ZRANB3: variants seen among roughly 807,000 people sequenced by gnomAD.
The protein encoded by ZRANB3 is zinc finger RANBP2-type containing 3, also known as DNA annealing helicase and endonuclease ZRANB3.
ZRANB3 carries 125 observed loss-of-function variants against 133.8 expected under a neutral mutation model. That is an observed-to-expected ratio of 0.93 (90% CI 0.81 to 1.08). The LOEUF is 1.08. Among genes scored for constraint, ZRANB3 ranks in the 50% least tolerant of loss-of-function variants. ZRANB3 has a pLI of 0.00. For synonymous variants in ZRANB3, 387 were observed against 432.7 expected (o/e 0.89, Z 1.31); for missense variants, 1,229 against 1,275.5 (o/e 0.96, Z 0.56).
At chr2:135,441,348 T>C (rs918207964) in intron 2 of ZRANB3, among the ~76,000 whole-genome samples, 4 of 151,920 alleles carry the variant, frequency 2.6e-5, no homozygotes, top group Admixed American at 2.0e-4. Flanking sequence ...AAAGAAAAAA[T>C]ACTGCCAACC....
At chr2:135,427,151 G>A (rs889136481) in intron 2 of ZRANB3, among the ~76,000 whole-genome samples, 1 of 151,476 alleles carries the variant, frequency 6.6e-6, no homozygotes, top group Non-Finnish European at 1.5e-5. Context: ...TTTAGAACCA[G>A]AGCAAGACAA....
chr2:135,210,573 C>A (rs1396061568), intron 17 of ZRANB3, among the ~76,000 whole-genome samples: 1 of 152,092 alleles, frequency 6.6e-6, no homozygotes, highest in Non-Finnish European at 1.5e-5. Flanking sequence ...AATTGATCCG[C>A]CTGTCTCAGC....
chr2:135,290,392 T>C (rs1022308696), intron 8 of ZRANB3, among the ~76,000 whole-genome samples: 2 of 152,226 alleles, frequency 1.3e-5, no homozygotes, highest in Middle Eastern at 3.2e-3. Context: ...AAGTCTGTTT[T>C]TTTCTGATAC....
chr2:135,411,733 T>C (rs1574062635), intron 2 of ZRANB3, among the ~76,000 whole-genome samples: 1 of 152,026 alleles, frequency 6.6e-6, no homozygotes, highest in South Asian at 2.1e-4. Context: ...TGGGTACACA[T>C]AAAAATGAAC....
intron 3 of ZRANB3, among the ~76,000 whole-genome samples, chr2:135,382,940 C>A (rs1686788183): frequency 6.6e-6 from 1 of 152,252 alleles, no homozygotes; most frequent in African/African-American, 2.4e-5. Context: ...AACTAACGAG[C>A]AAAATAATCA....
intron 12 of ZRANB3, among the ~76,000 whole-genome samples, chr2:135,249,317 T>C (rs943686742): frequency 6.6e-6 from 1 of 152,232 alleles, no homozygotes; most frequent in Non-Finnish European, 1.5e-5. Flanking sequence ...GTAGCACTAT[T>C]TGCAATAGCA....
intron 2 of ZRANB3, among the ~76,000 whole-genome samples, chr2:135,407,514 A>G (rs59330959): frequency 0.022 from 3,178 of 143,500 alleles, 132 homozygotes; most frequent in African/African-American, 0.09. Context: ...CGCATCGCCA[A>G]GTCAATCCTA....
At chr2:135,361,281 A>C (rs1419599950) in intron 3 of ZRANB3, among the ~76,000 whole-genome samples, 2 of 152,230 alleles carry the variant, frequency 1.3e-5, no homozygotes, top group East Asian at 3.8e-4. Flanking sequence ...ATGATTAAGA[A>C]TCAAAGTCTT....
intron 3 of ZRANB3, 25 bp downstream of exon 3, chr2:135,390,777 A>T (rs1259835302): frequency 6.4e-7 from 1 of 1,556,902 alleles, no homozygotes; most frequent in Admixed American, 2.0e-5. Flanking sequence ...CTTATAAAAG[A>T]CATAAAAACC....
chr2:135,511,757 T>C (rs113866898), intron 1 of ZRANB3: 1 of 764,044 alleles, frequency 1.3e-6, no homozygotes, highest in Non-Finnish European at 2.4e-6. Flanking sequence ...ATCACTTTCC[T>C]GTGGATTTCT....
At chr2:135,231,495 C>T (rs913294951) in intron 12 of ZRANB3, among the ~76,000 whole-genome samples, 1 of 152,202 alleles carries the variant, frequency 6.6e-6, no homozygotes, top group African/African-American at 2.4e-5. Flanking sequence ...TGCGGTGGCT[C>T]ATGCCGATAA....
intron 4 of ZRANB3, among the ~76,000 whole-genome samples, chr2:135,352,327 G>A (rs1039816400): frequency 7.4e-5 from 11 of 147,680 alleles, no homozygotes; most frequent in South Asian, 4.2e-4. Context: ...GTGACACTCC[G>A]TCTCCAAAAA....
At chr2:135,299,719 T>A (rs1682339149) in intron 8 of ZRANB3, among the ~76,000 whole-genome samples, 1 of 152,184 alleles carries the variant, frequency 6.6e-6, no homozygotes, top group South Asian at 2.1e-4. Flanking sequence ...TACTTTGTCC[T>A]CCTAAGAAGT....
intron 18 of ZRANB3, among the ~76,000 whole-genome samples, 189 bp downstream of exon 18, chr2:135,208,679 A>G (rs1048899458): frequency 2.0e-5 from 3 of 152,198 alleles, no homozygotes; most frequent in African/African-American, 7.2e-5. Flanking sequence ...CTTCATCTCT[A>G]ATGTTTAAAA....
intron 2 of ZRANB3, among the ~76,000 whole-genome samples, chr2:135,486,224 AG>A: frequency 6.6e-6 from 1 of 152,296 alleles, no homozygotes; most frequent in South Asian, 2.1e-4. Flanking sequence ...TAGTAACAGT[AG>A]AAGTTCTTTC....
chr2:135,268,807 C>T (rs1680370309), intron 11 of ZRANB3, among the ~76,000 whole-genome samples, 155 bp downstream of exon 11: 1 of 152,132 alleles, frequency 6.6e-6, no homozygotes, highest in South Asian at 2.1e-4. Context: ...GGTACTACTA[C>T]TGAAGCCTTT....
intron 12 of ZRANB3, among the ~76,000 whole-genome samples, chr2:135,232,774 C>T (rs1191189695): frequency 1.3e-5 from 2 of 152,142 alleles, no homozygotes; most frequent in Admixed American, 1.3e-4. Flanking sequence ...AAAGGACATC[C>T]ACACCAAAAC....
chr2:135,431,012 T>A (rs1206602418), intron 2 of ZRANB3, among the ~76,000 whole-genome samples: 1 of 151,912 alleles, frequency 6.6e-6, no homozygotes, highest in African/African-American at 2.4e-5. Flanking sequence ...CAACGGCTCA[T>A]GCCTATAATC....
intron 8 of ZRANB3, among the ~76,000 whole-genome samples, chr2:135,291,515 C>A (rs760025135): frequency 2.0e-5 from 3 of 151,788 alleles, no homozygotes; most frequent in African/African-American, 7.3e-5. Context: ...GGTTGTTTAA[C>A]GTAATCCCCA....
Sources: allele counts gnomAD v4.1 joint callset (sites outside exome capture counted in the v4.1 genomes callset), GRCh38; gene constraint gnomAD v4.1.1; transcripts MANE v1.5; gene names NCBI Gene and HGNC (gene_info 2026-07-23, HGNC 2026-07-21).